PUDP: variants seen among roughly 807,000 people sequenced by gnomAD.
PUDP encodes the protein pseudouridine 5'-phosphatase, also known as pseudouridine-5'-phosphatase.
A neutral mutation model predicts 9.4 loss-of-function variants in PUDP; 8 were observed. The observed-to-expected ratio is 0.85, with a 90% confidence interval of 0.50 to 1.53. The LOEUF (loss-of-function observed/expected upper bound fraction) is 1.53. PUDP is among the 40% of genes most tolerant of loss of function. The probability of loss-of-function intolerance (pLI) is 0.00; values close to 1 mark genes in which losing one functional copy is unlikely to be tolerated. For synonymous variants in PUDP, 99 were observed against 80.7 expected, an observed-to-expected ratio of 1.23 and a Z score of -1.22; for missense variants, 188 against 189.7, an observed-to-expected ratio of 0.99 and a Z score of 0.05.
chrX:6,815,121 G>A (rs759971980), intron 3 of PUDP, among the ~76,000 whole-genome samples: 125 of 107,488 alleles, frequency 1.2e-3, no homozygotes, highest in Non-Finnish European at 2.1e-3. Context: ...CAATGCTTGG[G>A]GGAAAAATCA....
chrX:6,976,810 A>T (rs2146797245), intron 3 of PUDP, among the ~76,000 whole-genome samples: 1 of 111,812 alleles, frequency 8.9e-6, no homozygotes, highest in East Asian at 2.8e-4. Context: ...ACCCCCTATT[A>T]CTTTCTATGG....
At position 6,853,650 on chromosome X, in the gene PUDP, C is replaced by T. The variant is rs147153222; in HGVS notation, c.*247+123483G>A. Among the ~76,000 whole-genome samples, 808 of 111,505 alleles carry T rather than the reference C, an allele frequency of 7.2e-3. 13 individuals carry two copies. Among genetic ancestry groups the T allele is most frequent in the African/African-American group, 0.025 (770 of 30,766 alleles). ...CCCCATTCTCCCAGTCCCTCACTCC[C>T]GAGGACCACCAATCTCCTTTCCATC... is the stretch of plus-strand genomic sequence containing the variant. On this transcript the variant is annotated intron_variant and NMD_transcript_variant, in intron 3 of 3. Transcript: ENST00000655425.
At chrX:6,988,353 G>A (rs5935588) in intron 1 of PUDP, among the ~76,000 whole-genome samples, 40,011 of 110,231 alleles carry the variant, frequency 0.36, 5,379 homozygotes, top group Non-Finnish European at 0.41. Context: ...GCTTATTCTC[G>A]TGGCCCAATA....
At chrX:6,805,439 A>G (rs68164279) in intron 3 of PUDP, among the ~76,000 whole-genome samples, 52,059 of 109,663 alleles carry the variant, frequency 0.47, 10,424 homozygotes, top group Non-Finnish European at 0.62. Flanking sequence ...ACACAATGAA[A>G]AAGCATCAAA....
intron 3 of PUDP, among the ~76,000 whole-genome samples, chrX:7,074,053 G>A (rs1421327923): frequency 2.7e-5 from 3 of 112,630 alleles, no homozygotes; most frequent in Non-Finnish European, 3.8e-5. Context: ...GCAGCATGTG[G>A]TTTCCACATA....
At chrX:6,889,220 G>GA (rs1348973286) in intron 3 of PUDP, among the ~76,000 whole-genome samples, 1 of 112,229 alleles carries the variant, frequency 8.9e-6, no homozygotes, top group Non-Finnish European at 1.9e-5. Flanking sequence ...CTCTCTGCAT[G>GA]AATGTGACAG....
intron 3 of PUDP, among the ~76,000 whole-genome samples, chrX:6,787,099 T>C (rs1275758487): frequency 9.1e-6 from 1 of 109,853 alleles, no homozygotes; most frequent in Non-Finnish European, 1.9e-5. Flanking sequence ...ACTGGTTAAA[T>C]TTCCCATGGT....
intron 1 of PUDP, among the ~76,000 whole-genome samples, chrX:7,033,458 ACTTT>A (rs1375102751): frequency 8.9e-6 from 1 of 112,537 alleles, no homozygotes; most frequent in African/African-American, 3.2e-5. Flanking sequence ...CCAAAAGGAG[ACTTT>A]CTGTCTGAAA....
intron 2 of PUDP, among the ~76,000 whole-genome samples, chrX:7,088,887 GCT>G (rs1212804473): frequency 8.9e-6 from 1 of 111,980 alleles, no homozygotes; most frequent in African/African-American, 3.2e-5. Context: ...CATGCAAACT[GCT>G]CTCTGACTCT....
intron 3 of PUDP, among the ~76,000 whole-genome samples, chrX:6,737,394 A>G (rs1329072405): frequency 8.9e-6 from 1 of 111,787 alleles, no homozygotes; most frequent in Non-Finnish European, 1.9e-5. Context: ...GGGAGTTGCA[A>G]TTTAGATAAA....
intron 3 of PUDP, among the ~76,000 whole-genome samples, chrX:6,941,341 C>CTTTTT (rs761887998): frequency 2.0e-4 from 16 of 78,648 alleles, no homozygotes; most frequent in Admixed American, 3.2e-4. Context: ...TCTTTTCTGT[C>CTTTTT]TTTTTTTTTT....
At chrX:6,842,975 G>A (rs1926694874) in intron 3 of PUDP, among the ~76,000 whole-genome samples, 1 of 112,470 alleles carries the variant, frequency 8.9e-6, no homozygotes. Context: ...AACCTCATGG[G>A]AGACCTTGAA....
intron 2 of PUDP, among the ~76,000 whole-genome samples, chrX:7,101,756 CA>C (rs1479232824): frequency 4.5e-5 from 5 of 111,014 alleles, no homozygotes; most frequent in African/African-American, 1.6e-4. Context: ...ACTTTATGGA[CA>C]AACCTTAGCT....
At chrX:7,077,171 GGTGGAACATGGTT>G in intron 3 of PUDP, 36 bp downstream of exon 3, 1 of 1,160,673 alleles carries the variant, frequency 8.6e-7, no homozygotes, top group Non-Finnish European at 1.2e-6. Flanking sequence ...GATATTATTT[GGTGGAACATGGTT>G]GTGGAACACG....
rs753375529 is a variant in PUDP, at chrX:6,891,964, C to T, written c.*247+85169G>A. Among the ~76,000 whole-genome samples, 6 of 111,996 alleles carry T rather than the reference C, an allele frequency of 5.4e-5. No individual in the cohort carries two copies. In the South Asian group the frequency reaches 1.1e-3, roughly 21 times the overall value. On this transcript the variant is annotated intron_variant and NMD_transcript_variant, in intron 3 of 3. Coordinates refer to the PUDP transcript ENST00000655425. ...GCCAAGCACTTTTTATGGGAAGAAC[C>T]GGTAACCTCTTTGTGCTTCTTGGGA... is the stretch of plus-strand genomic sequence containing the variant.
At chrX:6,978,317 A>G (rs1382635908) in exon 2 of PUDP, among the ~76,000 whole-genome samples, 1 of 108,836 alleles carries the variant, frequency 9.2e-6, no homozygotes, top group Non-Finnish European at 1.9e-5. Context: ...TCCCATCTTC[A>G]GTAGGAAATG....
At chrX:6,952,711 T>G (rs1435055616) in intron 3 of PUDP, among the ~76,000 whole-genome samples, 2 of 111,166 alleles carry the variant, frequency 1.8e-5, no homozygotes, top group Non-Finnish European at 3.8e-5. Context: ...ATTAATGATC[T>G]TATAAAAGAG....
chrX:7,078,858 G>C (rs775230346), intron 2 of PUDP, among the ~76,000 whole-genome samples: 1 of 111,477 alleles, frequency 9.0e-6, no homozygotes, highest in East Asian at 2.8e-4. Flanking sequence ...ACTCCACTGG[G>C]TGTAGAATTC....
intron 3 of PUDP, among the ~76,000 whole-genome samples, chrX:6,787,546 G>A (rs759538952): frequency 1.8e-5 from 2 of 111,850 alleles, no homozygotes; most frequent in African/African-American, 6.5e-5. Flanking sequence ...TAAAAAATTC[G>A]GTGGCATTAC....
Sources: gnomAD v4.1 joint callset for allele counts (sites outside exome capture counted in the v4.1 genomes callset) on GRCh38, gnomAD v4.1.1 for gene constraint, MANE v1.5 for transcripts, NCBI Gene and HGNC (gene_info 2026-07-23, HGNC 2026-07-21) for gene names.